The following AIFM1 variants were observed in gnomAD, a reference collection of about 807,000 sequenced individuals.
AIFM1 encodes apoptosis-inducing factor 1, mitochondrial.
In AIFM1, 3 loss-of-function variants were observed where a neutral mutation model predicts 51.7. That is an observed-to-expected ratio of 0.06 (90% CI 0.03 to 0.15). The LOEUF (loss-of-function observed/expected upper bound fraction) is 0.15. Ranked by LOEUF, AIFM1 falls within the 10% of genes least tolerant of loss-of-function variation. The pLI is 1.00. For synonymous variants in AIFM1, 178 were observed against 179.4 expected (o/e 0.99, Z 0.06); for missense variants, 330 against 476.8 (o/e 0.69, Z 2.87).
rs766257480 is a variant in AIFM1, at chrX:130,130,063, G to C, written c.1677C>G (p.Asp559Glu). Residue 559 changes from aspartate (D) to glutamate (E), a missense_variant, in exon 15 of 16, where the codon GAC becomes GAG. This residue lies in a region of AIFM1 where 56 missense variants were observed against 48.8 expected (regional missense o/e 1.15). Coordinates refer to ENST00000287295, the MANE Select transcript of AIFM1 (RefSeq NM_004208.4). ...AVPQAPVQGE[D>E]YGKGVIFYLR... ...GGTAGAAGATGACACCTTTGCCGTA[G>C]TCCTCCCCCTGGACGGGAGCCTGTG... 2 of 1,209,988 alleles carry C rather than the reference G, an allele frequency of 1.7e-6. No individual in the cohort carries two copies. The highest frequency in any genetic ancestry group is 3.5e-5 in the African/African-American group (2 of 57,210).
intron 1 of AIFM1, among the ~76,000 whole-genome samples, chrX:130,158,678 A>T (rs1473106507): frequency 9.9e-6 from 1 of 100,558 alleles, no homozygotes. Context: ...TATAAAATAC[A>T]CTAACACTAA....
chrX:130,138,572 A>G, intron 9 of AIFM1, 21 bp downstream of exon 9: 1 of 1,106,700 alleles, frequency 9.0e-7, no homozygotes, highest in Non-Finnish European at 1.3e-6. Flanking sequence ...AAGAAAATCA[A>G]GGTCACTCCT....
At chrX:130,153,250 G>A (rs1173438001) in intron 2 of AIFM1, among the ~76,000 whole-genome samples, 1 of 105,241 alleles carries the variant, frequency 9.5e-6, no homozygotes, top group Non-Finnish European at 2.0e-5. Context: ...CTCCTCGGGA[G>A]GCTGAGGCAG....
At chrX:130,151,449 T>C (rs2030976301) in intron 2 of AIFM1, among the ~76,000 whole-genome samples, 1 of 111,350 alleles carries the variant, frequency 9.0e-6, no homozygotes, top group Non-Finnish European at 1.9e-5. Flanking sequence ...CCATAAAACA[T>C]ATTCTAAGAA....
intron 2 of AIFM1, chrX:130,155,368 C>G (rs2031131011): frequency 9.0e-7 from 1 of 1,116,097 alleles, no homozygotes; most frequent in Non-Finnish European, 1.2e-6. Flanking sequence ...AATACAAAGG[C>G]AGAGAAGCAG....
Position 130,165,715 on chromosome X carries a change from G to C in AIFM1, c.-59C>G, listed in dbSNP as rs1225576695. On this transcript the variant is annotated 5_prime_UTR_variant, in exon 1 of 16. Coordinates refer to ENST00000287295, the MANE Select transcript of AIFM1 (RefSeq NM_004208.4). ...CTTTCCTCTCACGCACGACCGACGG[G>C]TCAAACACCGTGAGCCCCGGCCAGC... 4.1e-6 allele frequency: 4 copies of C among 977,125 alleles called. No homozygotes were observed. The highest frequency in any genetic ancestry group is 3.8e-5 in the African/African-American group (2 of 52,397). The allele number at this position is 977,125 out of a possible 1,213,427, so 80.5% of individuals were successfully genotyped here.
intron 2 of AIFM1, among the ~76,000 whole-genome samples, chrX:130,153,448 A>G (rs1292856254): frequency 9.0e-6 from 1 of 110,781 alleles, no homozygotes; most frequent in Admixed American, 9.7e-5. Context: ...AGGAATTGCC[A>G]AAGTAATAGT....
intron 2 of AIFM1, chrX:130,155,052 C>T: frequency 9.8e-7 from 1 of 1,020,732 alleles, no homozygotes; most frequent in Non-Finnish European, 1.4e-6. Flanking sequence ...CTAGAGAAAG[C>T]ACATGCTGTG....
intron 5 of AIFM1, 140 bp downstream of exon 5, chrX:130,147,353 T>C: frequency 1.3e-6 from 1 of 748,033 alleles, no homozygotes; most frequent in South Asian, 2.2e-5. Context: ...CTCTAAGCTG[T>C]ACCAAGTGTG....
chrX:130,129,743 G>C (rs2029982087), intron 15 of AIFM1, 115 bp from the exon 16 acceptor site: 3 of 810,350 alleles, frequency 3.7e-6, no homozygotes, highest in South Asian at 4.2e-5. Context: ...GGAGTTGTGG[G>C]AACAGTTCTC....
intron 1 of AIFM1, among the ~76,000 whole-genome samples, chrX:130,161,330 G>C (rs1188868461): frequency 9.1e-6 from 1 of 109,505 alleles, no homozygotes; most frequent in Non-Finnish European, 1.9e-5. Context: ...GGCCAATACA[G>C]TGAAACCCCG....
At chrX:130,147,955 T>C in intron 3 of AIFM1, 79 bp from the exon 4 acceptor site, 2 of 1,154,482 alleles carry the variant, frequency 1.7e-6, no homozygotes, top group Non-Finnish European at 2.4e-6. Flanking sequence ...AAAAATCACC[T>C]TGCACTTGTC....
intron 12 of AIFM1, among the ~76,000 whole-genome samples, chrX:130,134,145 G>A (rs996555634): frequency 2.7e-5 from 3 of 109,792 alleles, no homozygotes; most frequent in African/African-American, 1.0e-4. Context: ...GCTGAGACAG[G>A]AGAATGGCTT....
At chrX:130,150,557 G>C (rs1394795521) in intron 2 of AIFM1, among the ~76,000 whole-genome samples, 1 of 104,687 alleles carries the variant, frequency 9.6e-6, no homozygotes, top group East Asian at 3.0e-4. Context: ...GGATGGTCTC[G>C]ATCTCCTGAC....
At chrX:130,162,130 G>A (rs2031372693) in intron 1 of AIFM1, among the ~76,000 whole-genome samples, 1 of 112,098 alleles carries the variant, frequency 8.9e-6, no homozygotes, top group African/African-American at 3.2e-5. Context: ...GGTACAAGAT[G>A]CTAAGGACAC....
intron 2 of AIFM1, among the ~76,000 whole-genome samples, chrX:130,151,694 G>T (rs1250762762): frequency 1.8e-5 from 2 of 112,130 alleles, no homozygotes; most frequent in Non-Finnish European, 3.8e-5. Context: ...CTTGGTATCA[G>T]ATACTATACA....
chrX:130,146,673 C>A (rs186362070), intron 5 of AIFM1, among the ~76,000 whole-genome samples: 62 of 110,737 alleles, frequency 5.6e-4, no homozygotes, highest in African/African-American at 2.0e-3. Context: ...GAATTGAGAT[C>A]TAAGTTGTCC....
chrX:130,162,394 T>C (rs1453359796), intron 1 of AIFM1, among the ~76,000 whole-genome samples: 3 of 112,029 alleles, frequency 2.7e-5, no homozygotes, highest in Non-Finnish European at 3.8e-5. Flanking sequence ...CCCAGAATTA[T>C]CTCCTGGAGA....
At chrX:130,155,692 G>C (rs923078349) in intron 2 of AIFM1, among the ~76,000 whole-genome samples, 1 of 111,895 alleles carries the variant, frequency 8.9e-6, no homozygotes, top group African/African-American at 3.3e-5. Context: ...AAAACAAACA[G>C]CTTCCTTCAA....
Sources: allele counts gnomAD v4.1 joint callset (sites outside exome capture counted in the v4.1 genomes callset), GRCh38; gene constraint gnomAD v4.1.1; regional missense constraint gnomAD v4.1.1; transcripts MANE v1.5; gene names NCBI Gene and HGNC (gene_info 2026-07-23, HGNC 2026-07-21).